Variants in SUPT3H observed in about 807,000 individuals in gnomAD.
SUPT3H encodes the protein transcription initiation protein SPT3 homolog.
In SUPT3H, 44 loss-of-function variants were observed where a neutral mutation model predicts 44.3. The ratio of observed to expected loss-of-function variants is 0.99; its 90% CI spans 0.78 to 1.28. SUPT3H has a LOEUF of 1.28. Among genes scored for constraint, SUPT3H ranks in the 50% most tolerant of loss-of-function variants. The probability of loss-of-function intolerance (pLI) is 0.00; values close to 1 mark genes in which losing one functional copy is unlikely to be tolerated. For missense variants in SUPT3H, 380 were observed against 387.1 expected, an observed-to-expected ratio of 0.98 and a Z score of 0.15; for synonymous variants, 124 against 125.6, an observed-to-expected ratio of 0.99 and a Z score of 0.09.
At chr6:45,227,711 G>C (rs1204622967) in intron 2 of SUPT3H, among the ~76,000 whole-genome samples, 1 of 152,078 alleles carries the variant, frequency 6.6e-6, no homozygotes, top group East Asian at 1.9e-4. Flanking sequence ...TTTATGCCAT[G>C]AACAATAAGA....
chr6:45,299,171 C>A (rs182721530), intron 2 of SUPT3H, among the ~76,000 whole-genome samples: 53 of 150,220 alleles, frequency 3.5e-4, no homozygotes, highest in Non-Finnish European at 6.8e-4. Flanking sequence ...CATGGTGACA[C>A]CCCATCTCTA....
chr6:45,184,798 A>G (rs1813896442), intron 2 of SUPT3H, among the ~76,000 whole-genome samples: 2 of 150,064 alleles, frequency 1.3e-5, no homozygotes, highest in Admixed American at 6.6e-5. Flanking sequence ...AAAAAAAAAA[A>G]AAAAACTCCA....
At chr6:44,863,163 C>G (rs1774940153) in intron 10 of SUPT3H, among the ~76,000 whole-genome samples, 1 of 152,210 alleles carries the variant, frequency 6.6e-6, no homozygotes. Flanking sequence ...TATATCTACT[C>G]TATCTTTAAT....
intron 9 of SUPT3H, among the ~76,000 whole-genome samples, chr6:44,945,771 G>A (rs544143609): frequency 1.2e-4 from 18 of 152,308 alleles, no homozygotes; most frequent in East Asian, 5.8e-4. Context: ...GTGAAGCAGC[G>A]AATGATGATG....
intron 2 of SUPT3H, among the ~76,000 whole-genome samples, chr6:45,226,940 TGA>T (rs1444247131): frequency 6.6e-6 from 1 of 151,896 alleles, no homozygotes; most frequent in East Asian, 1.9e-4. Context: ...GAGGTTACAG[TGA>T]GCTACGATCA....
chr6:44,861,230 C>T (rs1343387692), intron 10 of SUPT3H, among the ~76,000 whole-genome samples: 1 of 152,058 alleles, frequency 6.6e-6, no homozygotes, highest in Non-Finnish European at 1.5e-5. Flanking sequence ...GCAAGCACCA[C>T]CACACCTGGC....
chr6:45,179,199 C>T (rs565226287), intron 2 of SUPT3H, among the ~76,000 whole-genome samples: 44 of 152,200 alleles, frequency 2.9e-4, no homozygotes, highest in Non-Finnish European at 4.1e-4. Flanking sequence ...AATCTCTGAA[C>T]AGACCAATAA....
rs1298494197 is a variant in SUPT3H at position 45,017,884 on chromosome 6, A to G, written c.273+2662T>C. Reference sequence around the variant, plus strand: ...GTAGTTTTTTCCAATTCTGTGAAGAAAGTCATTGGTAGCTTTATGGGGATG... The same window carrying G: ...GTAGTTTTTTCCAATTCTGTGAAGAGAGTCATTGGTAGCTTTATGGGGATG... On this transcript the variant is annotated intron_variant, in intron 4 of 10. Transcript: ENST00000371459. Among the ~76,000 whole-genome samples, 33 of 145,660 alleles carry G rather than the reference A, an allele frequency of 2.3e-4. No individual in the cohort carries two copies. The East Asian group carries it at 3.3e-3, about 15-fold the overall frequency.
intron 6 of SUPT3H, among the ~76,000 whole-genome samples, chr6:44,990,184 T>TC (rs1423185777): frequency 1.0e-5 from 1 of 97,368 alleles, no homozygotes; most frequent in Non-Finnish European, 2.8e-5. Flanking sequence ...TTCAATTTCA[T>TC]TTTTTTTTCG....
intron 6 of SUPT3H, among the ~76,000 whole-genome samples, chr6:45,001,653 G>C (rs1158918615): frequency 6.6e-6 from 1 of 152,040 alleles, no homozygotes; most frequent in Admixed American, 6.6e-5. Flanking sequence ...CTAAAATTAA[G>C]CCTGTTGGTA....
intron 3 of SUPT3H, among the ~76,000 whole-genome samples, chr6:45,091,485 A>G (rs1162367715): frequency 6.6e-6 from 1 of 152,076 alleles, no homozygotes; most frequent in Non-Finnish European, 1.5e-5. Flanking sequence ...AAAAAACAGC[A>G]TATTTTCTAT....
intron 2 of SUPT3H, among the ~76,000 whole-genome samples, chr6:45,191,584 A>T (rs945992592): frequency 5.9e-5 from 9 of 152,112 alleles, no homozygotes; most frequent in African/African-American, 1.9e-4. Flanking sequence ...ACATATCAAT[A>T]TTGGCTCAAC....
intron 3 of SUPT3H, among the ~76,000 whole-genome samples, chr6:45,045,338 A>C (rs1192425324): frequency 6.6e-6 from 1 of 152,182 alleles, no homozygotes; most frequent in Non-Finnish European, 1.5e-5. Flanking sequence ...ACTGTCCTTC[A>C]AGCCAAAAAC....
chr6:45,007,956 T>C (rs1432138339), intron 5 of SUPT3H, among the ~76,000 whole-genome samples: 1 of 152,214 alleles, frequency 6.6e-6, no homozygotes. Flanking sequence ...GTGATTGGTT[T>C]CTTTCATTTA....
chr6:45,220,719 T>G (rs894816904), intron 2 of SUPT3H, among the ~76,000 whole-genome samples: 5 of 151,734 alleles, frequency 3.3e-5, no homozygotes, highest in African/African-American at 1.2e-4. Flanking sequence ...AATAACAGAG[T>G]GAACCCTAGA....
chr6:45,173,053 C>A (rs1292540935), intron 2 of SUPT3H, among the ~76,000 whole-genome samples: 1 of 151,960 alleles, frequency 6.6e-6, no homozygotes, highest in Non-Finnish European at 1.5e-5. Flanking sequence ...TTTCCAAGTC[C>A]TGGAGAAGGT....
intron 9 of SUPT3H, among the ~76,000 whole-genome samples, chr6:44,935,397 A>G (rs12194806): frequency 0.02 from 3,107 of 152,332 alleles, 42 homozygotes; most frequent in Non-Finnish European, 0.032. Context: ...ACACGTGTGA[A>G]GAGCATTATA....
chr6:45,089,773 T>A (rs1796911511), intron 3 of SUPT3H, among the ~76,000 whole-genome samples: 1 of 151,990 alleles, frequency 6.6e-6, no homozygotes, highest in South Asian at 2.1e-4. Flanking sequence ...TACTGCAATA[T>A]CCTCCTTATA....
At position 45,020,647 on chromosome 6, in the gene SUPT3H, A is replaced by C; in HGVS notation, c.187-15T>G. 1 of 1,600,860 alleles carries C rather than the reference A, an allele frequency of 6.2e-7. No homozygotes were observed. Among genetic ancestry groups the C allele is most frequent in the Non-Finnish European group, 8.5e-7 (1 of 1,170,568 alleles). ...GCTTGCTGTAACTAACAATAATGAAAATTTAGAAATTTTTCTCAGTAACAC... is the reference window on the plus strand; with the variant it reads ...GCTTGCTGTAACTAACAATAATGAACATTTAGAAATTTTTCTCAGTAACAC... On this transcript the variant is annotated splice_polypyrimidine_tract_variant and intron_variant, in intron 3 of 10. Coordinates refer to ENST00000371459, the MANE Select transcript of SUPT3H (RefSeq NM_003599.4).
Sources: allele counts gnomAD v4.1 joint callset (sites outside exome capture counted in the v4.1 genomes callset), GRCh38; gene constraint gnomAD v4.1.1; transcripts MANE v1.5; gene names NCBI Gene and HGNC (gene_info 2026-07-23, HGNC 2026-07-21).